The following FREM3 variants were observed in gnomAD, a reference collection of about 807,000 sequenced individuals.
FREM3 encodes FRAS1 related extracellular matrix 3, also known as FRAS1-related extracellular matrix protein 3.
Under a neutral mutation model 129.1 loss-of-function variants are expected in FREM3, and 105 were observed. The ratio of observed to expected loss-of-function variants is 0.81; its 90% CI spans 0.69 to 0.96. The LOEUF (loss-of-function observed/expected upper bound fraction) is 0.96, where lower values mean the gene tolerates loss of function less well. Ranked by LOEUF, FREM3 falls within the 40% of genes least tolerant of loss-of-function variation. The pLI, the probability that FREM3 is intolerant of heterozygous loss-of-function variation, is 0.00. For synonymous variants in FREM3, 1,014 were observed against 1,044.9 expected (o/e 0.97, Z 0.57); for missense variants, 2,593 against 2,666.3 (o/e 0.97, Z 0.61).
At chr4:143,620,939 A>T (rs1415662188) in intron 5 of FREM3, 98 bp downstream of exon 5, 2 of 1,228,808 alleles carry the variant, frequency 1.6e-6, no homozygotes, top group Non-Finnish European at 2.2e-6. Flanking sequence ...CCAGCATCTT[A>T]ACTCTGCTTT....
At position 143,699,106 on chromosome 4, in the gene FREM3, C is replaced by A. The variant is rs199842882; in HGVS notation, c.1570G>T (p.Gly524Trp). ...SDNIIFRMEDGHHQVDFLFPL... is the reference protein window; with the variant it reads ...SDNIIFRMEDWHHQVDFLFPL... Reference sequence around the variant, plus strand: ...AAGAGGAAGTCCACTTGGTGGTGCCCGTCCTCCATCCGGAAGATGATATTG... The same window carrying A: ...AAGAGGAAGTCCACTTGGTGGTGCCAGTCCTCCATCCGGAAGATGATATTG... The change falls in exon 1 of 8, where the codon GGG (glycine) becomes TGG (tryptophan). Residue 524 changes from glycine to tryptophan, a missense_variant. By Grantham distance (184) the Gly-to-Trp change is radical. Transcript: ENST00000329798. The surrounding 1 kb of genome is among the most constrained non-coding windows in gnomAD (Gnocchi z 4.2). The A allele has an allele frequency of 2.0e-6, 3 of 1,537,268 alleles. No homozygotes were observed. The Admixed American group carries it at 5.9e-5, about 30-fold the overall frequency.
chr4:143,602,795 G>A (rs944403624), intron 6 of FREM3, among the ~76,000 whole-genome samples: 4 of 152,180 alleles, frequency 2.6e-5, no homozygotes, highest in African/African-American at 4.8e-5. Flanking sequence ...GGAAAATGGC[G>A]TTAGCTGAAG....
intron 2 of FREM3, among the ~76,000 whole-genome samples, chr4:143,673,859 G>A (rs1481407265): frequency 6.6e-6 from 1 of 152,242 alleles, no homozygotes; most frequent in Non-Finnish European, 1.5e-5. Context: ...CTAGCAATGA[G>A]CGAGGCTCCA....
intron 2 of FREM3, among the ~76,000 whole-genome samples, chr4:143,637,612 G>A (rs1201718230): frequency 6.6e-6 from 1 of 152,060 alleles, no homozygotes; most frequent in Non-Finnish European, 1.5e-5. Context: ...GGAGCTTGGA[G>A]GGACAGGTGG....
intron 2 of FREM3, among the ~76,000 whole-genome samples, chr4:143,678,857 T>C (rs983569217): frequency 1.3e-5 from 2 of 151,586 alleles, no homozygotes; most frequent in African/African-American, 2.4e-5. Flanking sequence ...GTTTATTATA[T>C]ATATGATGAA....
At chr4:143,638,994 G>A (rs12504208) in intron 2 of FREM3, among the ~76,000 whole-genome samples, 35,801 of 152,044 alleles carry the variant, frequency 0.24, 5,322 homozygotes, top group Non-Finnish European at 0.34. Context: ...TATTAATTTG[G>A]TAGTATCTTA....
intron 2 of FREM3, among the ~76,000 whole-genome samples, chr4:143,659,457 A>G (rs1578855070): frequency 6.6e-6 from 1 of 152,210 alleles, no homozygotes; most frequent in Admixed American, 6.5e-5. Flanking sequence ...TATATGTGCC[A>G]CATTTTCTTA....
chr4:143,666,667 T>G (rs1739867630), intron 2 of FREM3, among the ~76,000 whole-genome samples: 1 of 152,112 alleles, frequency 6.6e-6, no homozygotes, highest in Non-Finnish European at 1.5e-5. Context: ...ATGTGAAATA[T>G]CTAGAAAGGT....
intron 2 of FREM3, among the ~76,000 whole-genome samples, chr4:143,628,273 C>T (rs1421052620): frequency 3.9e-5 from 6 of 152,082 alleles, no homozygotes; most frequent in Admixed American, 3.9e-4. Flanking sequence ...TGAACTTATA[C>T]ACTCTAATGT....
At chr4:143,677,521 A>G (rs1404904060) in intron 2 of FREM3, among the ~76,000 whole-genome samples, 1 of 152,264 alleles carries the variant, frequency 6.6e-6, no homozygotes, top group Non-Finnish European at 1.5e-5. Flanking sequence ...AGCAATGGCA[A>G]CAGAAGCCAA....
intron 5 of FREM3, 49 bp downstream of exon 5, chr4:143,620,988 T>C (rs1164642377): frequency 6.6e-7 from 1 of 1,524,652 alleles, no homozygotes; most frequent in Admixed American, 2.0e-5. Context: ...ACCACAGTCT[T>C]GTTCTCATCA....
rs1317219863 is a variant in FREM3, at chr4:143,699,539, C to T, written c.1137G>A (p.Gln379=). 6 of 1,537,172 alleles carry T rather than the reference C, an allele frequency of 3.9e-6. No homozygotes were observed. Among genetic ancestry groups the T allele is most frequent in the Non-Finnish European group, 5.2e-6 (6 of 1,146,872 alleles). Residue 379 remains glutamine (Q), a synonymous_variant, in exon 1 of 8, where the codon CAG becomes CAA. Coordinates refer to ENST00000329798, the MANE Select transcript of FREM3 (RefSeq NM_001168235.2). The surrounding 1 kb of genome is among the most constrained non-coding windows in gnomAD (Gnocchi z 4.2). ...PLGLPVSFFT[Q]QELRELKIAY... ...CAATCTTCAGCTCCCTCAGCTCCTG[C>T]TGGGTGAAGAAGGAGACTGGAAGCC...
chr4:143,648,804 G>T (rs72723197), intron 2 of FREM3, among the ~76,000 whole-genome samples: 2 of 152,090 alleles, frequency 1.3e-5, no homozygotes, highest in Non-Finnish European at 2.9e-5. Context: ...GTTCTCTCGC[G>T]CAGGCTGGAG....
At chr4:143,649,799 A>T (rs1206624575) in intron 2 of FREM3, among the ~76,000 whole-genome samples, 1 of 152,204 alleles carries the variant, frequency 6.6e-6, no homozygotes, top group Non-Finnish European at 1.5e-5. Flanking sequence ...TATTTATGAA[A>T]AATTAAGGTC....
chr4:143,681,445 T>C (rs1425092325), intron 2 of FREM3, among the ~76,000 whole-genome samples: 1 of 152,148 alleles, frequency 6.6e-6, no homozygotes, highest in South Asian at 2.1e-4. Flanking sequence ...ATTAATAAAC[T>C]TGACAGTATG....
At chr4:143,610,040 T>C (rs1738728834) in intron 6 of FREM3, among the ~76,000 whole-genome samples, 1 of 152,212 alleles carries the variant, frequency 6.6e-6, no homozygotes, top group Non-Finnish European at 1.5e-5. Context: ...ACAATCTTTG[T>C]TTTAATTCCA....
chr4:143,664,524 C>T (rs529040039), intron 2 of FREM3, among the ~76,000 whole-genome samples: 3 of 152,246 alleles, frequency 2.0e-5, no homozygotes, highest in East Asian at 1.9e-4. Flanking sequence ...TTAGGCTGCT[C>T]GTGGGTCAGG....
At chr4:143,609,724 C>T (rs575702761) in intron 6 of FREM3, among the ~76,000 whole-genome samples, 1 of 152,256 alleles carries the variant, frequency 6.6e-6, no homozygotes, top group Non-Finnish European at 1.5e-5. Context: ...GTCCTCATTT[C>T]TCAATTTGCT....
In FREM3 at chr4:143,697,952, C is replaced by T. The variant is rs1381307985; in HGVS notation, c.2724G>A (p.Gln908=). 6.5e-7 allele frequency: 1 copy of T among 1,537,816 alleles called. No individual in the cohort carries two copies. Among genetic ancestry groups the T allele is most frequent in the South Asian group, 1.2e-5 (1 of 84,054 alleles). Reference sequence around the variant, plus strand: ...GATGGAAAGTGTCACTGGTAGTCGTCTGGTCTCTGCCATGCTGGTAAGAGA... The same window carrying T: ...GATGGAAAGTGTCACTGGTAGTCGTTTGGTCTCTGCCATGCTGGTAAGAGA... ...GSVSYQHGRD[Q]TTTSDTFHLE... The change falls in exon 1 of 8, where the codon CAG becomes CAA. Residue 908 remains glutamine, a synonymous_variant. Coordinates refer to ENST00000329798, the MANE Select transcript of FREM3 (RefSeq NM_001168235.2).
Sources: allele counts gnomAD v4.1 joint callset (sites outside exome capture counted in the v4.1 genomes callset), GRCh38; gene constraint gnomAD v4.1.1; non-coding constraint Gnocchi (gnomAD v3.1); transcripts MANE v1.5; gene names NCBI Gene and HGNC (gene_info 2026-07-23, HGNC 2026-07-21).